The following CEP85L variants were observed in gnomAD, a reference collection of about 807,000 sequenced individuals.
The protein encoded by CEP85L is centrosomal protein of 85 kDa-like.
In CEP85L, 60 loss-of-function variants were observed where a neutral mutation model predicts 100.3. The ratio of observed to expected loss-of-function variants is 0.60; its 90% CI spans 0.49 to 0.74. The LOEUF (loss-of-function observed/expected upper bound fraction) is 0.74, where lower values mean the gene tolerates loss of function less well. Among genes scored for constraint, CEP85L ranks in the 30% least tolerant of loss-of-function variants. The pLI, the probability that CEP85L is intolerant of heterozygous loss-of-function variation, is 0.00. For missense variants in CEP85L, 973 were observed against 936.2 expected (o/e 1.04, Z -0.51); for synonymous variants, 319 against 322.7 (o/e 0.99, Z 0.12).
chr6:118,520,745 A>T (rs190153689), intron 4 of CEP85L, among the ~76,000 whole-genome samples: 1 of 152,188 alleles, frequency 6.6e-6, no homozygotes, highest in East Asian at 1.9e-4. Flanking sequence ...TTTACGAGCT[A>T]AACTTTCAAA....
chr6:118,690,690 A>C (rs977248908), intron 1 of CEP85L, among the ~76,000 whole-genome samples: 1 of 152,252 alleles, frequency 6.6e-6, no homozygotes, highest in Non-Finnish European at 1.5e-5. Context: ...TTTTCTTTAA[A>C]ATTGACTCAG....
intron 4 of CEP85L, among the ~76,000 whole-genome samples, chr6:118,519,033 G>C (rs991346314): frequency 1.3e-5 from 2 of 152,138 alleles, no homozygotes; most frequent in Non-Finnish European, 2.9e-5. Flanking sequence ...CCATGCAGTC[G>C]TGTGGTTTTG....
chr6:118,491,413 G>A, intron 6 of CEP85L: 2 of 1,070,370 alleles, frequency 1.9e-6, no homozygotes, highest in African/African-American at 1.6e-5. Flanking sequence ...GACTCAATAA[G>A]GAAAAGGAGA....
At chr6:118,524,300 C>T (rs1379663853) in intron 3 of CEP85L, among the ~76,000 whole-genome samples, 1 of 152,184 alleles carries the variant, frequency 6.6e-6, no homozygotes, top group Non-Finnish European at 1.5e-5. Flanking sequence ...AAAAATTAGC[C>T]AGGCGTGGTG....
intron 1 of CEP85L, among the ~76,000 whole-genome samples, chr6:118,660,881 T>A (rs1775948720): frequency 1.4e-5 from 1 of 73,560 alleles, no homozygotes; most frequent in Non-Finnish European, 3.3e-5. Flanking sequence ...AATTTTCTTT[T>A]TTTCTTTTTT....
chr6:118,466,808 G>C (rs1320172349), intron 12 of CEP85L, among the ~76,000 whole-genome samples: 1 of 152,106 alleles, frequency 6.6e-6, no homozygotes, highest in African/African-American at 2.4e-5. Flanking sequence ...AAATGGATTA[G>C]GGGGAGGGGA....
At chr6:118,492,885 G>A (rs923962533) in intron 5 of CEP85L, among the ~76,000 whole-genome samples, 2 of 152,094 alleles carry the variant, frequency 1.3e-5, no homozygotes, top group Non-Finnish European at 2.9e-5. Flanking sequence ...TTGAAGAACT[G>A]ATACTTTCCC....
intron 2 of CEP85L, among the ~76,000 whole-genome samples, chr6:118,631,524 T>C (rs1321903604): frequency 7.2e-5 from 11 of 152,208 alleles, no homozygotes; most frequent in Admixed American, 7.2e-4. Context: ...TACCCACATG[T>C]TTATAGCAAC....
At chr6:118,618,796 CAG>C (rs1465543552) in intron 2 of CEP85L, among the ~76,000 whole-genome samples, 2 of 152,136 alleles carry the variant, frequency 1.3e-5, no homozygotes, top group Non-Finnish European at 2.9e-5. Flanking sequence ...GTCACTAATT[CAG>C]AGATTCCTCC....
At chr6:118,544,959 A>C (rs1583016946) in intron 3 of CEP85L, among the ~76,000 whole-genome samples, 1 of 152,150 alleles carries the variant, frequency 6.6e-6, no homozygotes, top group South Asian at 2.1e-4. Context: ...GTAGCTTTAA[A>C]ATTTAAGGCA....
In CEP85L at chr6:118,520,306, T is replaced by C. The variant is rs1015313337; in HGVS notation, c.1139+3496A>G. 7.9e-5 allele frequency among the ~76,000 whole-genome samples: 12 copies of C among 152,230 alleles called. No homozygotes were observed. The South Asian group carries it at 2.3e-3, about 29-fold the overall frequency. On this transcript the variant is annotated intron_variant, in intron 4 of 12. Coordinates refer to ENST00000368491, the MANE Select transcript of CEP85L (RefSeq NM_001042475.3). Reference sequence around the variant, plus strand: ...ATGATCGTTTATGTAAACAATCCTATTGAATCTACAAAAAAATACCTACTT... The same window carrying C: ...ATGATCGTTTATGTAAACAATCCTACTGAATCTACAAAAAAATACCTACTT...
At chr6:118,682,884 G>A (rs1049549020) in intron 1 of CEP85L, among the ~76,000 whole-genome samples, 4 of 151,804 alleles carry the variant, frequency 2.6e-5, no homozygotes, top group African/African-American at 7.3e-5. Context: ...CCCCAATATG[G>A]AAATGTGTCT....
At chr6:118,689,915 G>GATT (rs1776976924) in intron 1 of CEP85L, among the ~76,000 whole-genome samples, 1 of 121,182 alleles carries the variant, frequency 8.3e-6, no homozygotes, top group Non-Finnish European at 1.9e-5. Context: ...ATCCCTGCCT[G>GATT]CTTTTTTTTT....
chr6:118,506,176 C>CA (rs1275879585), intron 5 of CEP85L, among the ~76,000 whole-genome samples: 1 of 152,186 alleles, frequency 6.6e-6, no homozygotes, highest in Admixed American at 6.5e-5. Context: ...GGATTAAAAA[C>CA]ACTCAATTCA....
At chr6:118,599,547 C>T (rs1781617456) in intron 2 of CEP85L, among the ~76,000 whole-genome samples, 3 of 152,130 alleles carry the variant, frequency 2.0e-5, no homozygotes, top group Admixed American at 2.0e-4. Context: ...AACTTAGTGC[C>T]TCTAACTCCT....
chr6:118,545,433 CAA>C (rs992263394), intron 3 of CEP85L, among the ~76,000 whole-genome samples: 2 of 151,850 alleles, frequency 1.3e-5, no homozygotes, highest in Admixed American at 6.6e-5. Flanking sequence ...ACTAAAAATA[CAA>C]AAGTTAGCTG....
chr6:118,552,249 G>C (rs529841208), intron 3 of CEP85L, among the ~76,000 whole-genome samples: 1 of 151,994 alleles, frequency 6.6e-6, no homozygotes, highest in South Asian at 2.1e-4. Flanking sequence ...CAAACATAAA[G>C]AATCCCAGGA....
rs190996034 is a variant in CEP85L at position 118,708,818 on chromosome 6, T to C, written c.-28+1218A>G. Reference sequence around the variant, plus strand: ...ACCATTTTTCAGGCGAAAGAAAGACTGGTCAAATAGGGGTTCTAAATCCTG... The same window carrying C: ...ACCATTTTTCAGGCGAAAGAAAGACCGGTCAAATAGGGGTTCTAAATCCTG... On this transcript the variant is annotated intron_variant, in intron 1 of 13. Coordinates refer to the CEP85L transcript ENST00000368488. Among the ~76,000 whole-genome samples the C allele has an allele frequency of 2.2e-3, 342 of 152,282 alleles. 1 individual carries two copies. The highest frequency in any genetic ancestry group is 3.8e-3 in the Non-Finnish European group (260 of 68,016).
At position 118,483,816 on chromosome 6, in the gene CEP85L, A is replaced by G. The variant is rs1773973422; in HGVS notation, c.1480T>C (p.Cys494Arg). 6.2e-7 allele frequency: 1 copy of G among 1,613,818 alleles called. No individual in the cohort carries two copies. The highest frequency in any genetic ancestry group is 8.5e-7 in the Non-Finnish European group (1 of 1,179,874). ...TTGTTTTGTTCAGATTCCTTCTGGCATTTCTTTTTCAGACTACTGATGTAT... is the reference window on the plus strand; with the variant it reads ...TTGTTTTGTTCAGATTCCTTCTGGCGTTTCTTTTTCAGACTACTGATGTAT... ...DRYISSLKKK[C>R]QKESEQNKEK... is the part of the protein sequence containing the mutation. Residue 494 changes from cysteine to arginine, a missense_variant, in exon 7 of 13, where the codon TGC (cysteine) becomes CGC (arginine). Physicochemically the swap from Cys to Arg is radical, Grantham distance 180. Around this residue, in one of 3 missense-constraint regions of CEP85L, gnomAD observed 890 missense variants for 844.5 expected, o/e 1.05. Transcript: ENST00000368491.
Sources: gnomAD v4.1 joint callset for allele counts (sites outside exome capture counted in the v4.1 genomes callset) on GRCh38, gnomAD v4.1.1 for gene constraint, gnomAD v4.1.1 regional missense constraint, MANE v1.5 for transcripts, NCBI Gene and HGNC (gene_info 2026-07-23, HGNC 2026-07-21) for gene names.